Variants in PPP1R12B observed in about 807,000 individuals in gnomAD.
PPP1R12B encodes the protein protein phosphatase 1 regulatory subunit 12B.
Under a neutral mutation model 126.1 loss-of-function variants are expected in PPP1R12B, and 76 were observed. The observed-to-expected ratio is 0.60, with a 90% CI of 0.50 to 0.73. The LOEUF is 0.73. PPP1R12B is among the 30% of genes least tolerant of loss of function. The probability of loss-of-function intolerance (pLI) is 0.00; values close to 1 mark genes in which losing one functional copy is unlikely to be tolerated. For missense variants in PPP1R12B, 1,052 were observed against 1,205.1 expected (o/e 0.87, Z 1.88); for synonymous variants, 356 against 434.7 (o/e 0.82, Z 2.25).
intron 1 of PPP1R12B, among the ~76,000 whole-genome samples, chr1:202,353,627 T>A (rs185775041): frequency 7.7e-5 from 11 of 142,444 alleles, no homozygotes; most frequent in East Asian, 3.1e-4. Context: ...TGTGTGTGTG[T>A]GTGACAGGGT....
chr1:202,501,982 A>C (rs1168325828), intron 18 of PPP1R12B: 2 of 985,662 alleles, frequency 2.0e-6, no homozygotes, highest in Non-Finnish European at 2.4e-6. Context: ...GAGCATCAGC[A>C]TTCTTCTGCT....
chr1:202,364,893 G>A (rs931397617), intron 1 of PPP1R12B, among the ~76,000 whole-genome samples: 4 of 151,874 alleles, frequency 2.6e-5, no homozygotes, highest in Admixed American at 6.6e-5. Flanking sequence ...AAAATTTTTT[G>A]TAGAGATGTG....
intron 13 of PPP1R12B, among the ~76,000 whole-genome samples, chr1:202,464,601 G>T (rs1355612961): frequency 6.6e-6 from 1 of 152,142 alleles, no homozygotes; most frequent in Non-Finnish European, 1.5e-5. Context: ...TGCAAGAGAG[G>T]ATACCTAGTT....
At chr1:202,404,666 A>AT (rs765933392) in intron 1 of PPP1R12B, among the ~76,000 whole-genome samples, 1 of 151,738 alleles carries the variant, frequency 6.6e-6, no homozygotes, top group Non-Finnish European at 1.5e-5. Context: ...CGCCTGGCTA[A>AT]TTTTTTGTAT....
At chr1:202,392,356 A>G (rs545034942) in intron 1 of PPP1R12B, among the ~76,000 whole-genome samples, 5 of 152,280 alleles carry the variant, frequency 3.3e-5, no homozygotes, top group African/African-American at 1.2e-4. Context: ...ACAGATGCTA[A>G]GAGAAGTCAG....
rs1157236917 is a variant in PPP1R12B, at chr1:202,588,309, G to C, written c.*7749G>C. ...TTGTATGGATTAACTTCAGTCCACTGTAAATACACCTGGGATGGGGTGGGG... is the reference window on the plus strand; with the variant it reads ...TTGTATGGATTAACTTCAGTCCACTCTAAATACACCTGGGATGGGGTGGGG... On this transcript the variant is annotated 3_prime_UTR_variant, in exon 24 of 24. Transcript: ENST00000608999. 6.6e-6 allele frequency: 1 copy of C among 152,604 alleles called. No individual in the cohort carries two copies. Among genetic ancestry groups the C allele is most frequent in the African/African-American group, 2.4e-5 (1 of 41,448 alleles). The allele number at this position is 152,604 out of a possible 1,614,324, so 9.5% of individuals were successfully genotyped here. A position where few individuals can be genotyped will look rare whatever the true frequency, so the allele number is the denominator to read the frequency against.
At chr1:202,569,097 A>T in intron 22 of PPP1R12B, 50 bp from the exon 23 acceptor site, 1 of 1,585,478 alleles carries the variant, frequency 6.3e-7, no homozygotes, top group Non-Finnish European at 8.7e-7. Context: ...CAGCATTTTT[A>T]CTCCCTTCTG....
chr1:202,499,470 G>T (rs1327653663), intron 18 of PPP1R12B, among the ~76,000 whole-genome samples: 1 of 152,126 alleles, frequency 6.6e-6, no homozygotes. Context: ...GCCCAGGCTG[G>T]TCTCGAACTC....
At chr1:202,529,646 G>A (rs1683721229) in intron 18 of PPP1R12B, among the ~76,000 whole-genome samples, 2 of 152,092 alleles carry the variant, frequency 1.3e-5, no homozygotes, top group Admixed American at 1.3e-4. Context: ...CCTTCTTTAA[G>A]TTATAGGTTA....
intron 18 of PPP1R12B, among the ~76,000 whole-genome samples, chr1:202,503,105 C>T (rs1558308592): frequency 6.6e-6 from 1 of 152,056 alleles, no homozygotes; most frequent in South Asian, 2.1e-4. Flanking sequence ...AGTTAGGAGG[C>T]CATTATAATA....
intron 1 of PPP1R12B, among the ~76,000 whole-genome samples, chr1:202,353,559 G>A (rs913259594): frequency 2.7e-5 from 4 of 145,684 alleles, no homozygotes; most frequent in African/African-American, 5.1e-5. Context: ...CATTTGTTCC[G>A]CAGAATTTCT....
intron 1 of PPP1R12B, among the ~76,000 whole-genome samples, chr1:202,359,019 C>A (rs1255289458): frequency 6.6e-6 from 1 of 151,984 alleles, no homozygotes; most frequent in East Asian, 1.9e-4. Context: ...ATAGAAGATA[C>A]AAAAGTAGAG....
chr1:202,450,711 A>G (rs1672821291), intron 13 of PPP1R12B, among the ~76,000 whole-genome samples: 1 of 152,154 alleles, frequency 6.6e-6, no homozygotes, highest in African/African-American at 2.4e-5. Flanking sequence ...ACTCTGTTCC[A>G]CTGGTCTATA....
intron 18 of PPP1R12B, among the ~76,000 whole-genome samples, chr1:202,504,171 G>A (rs1402387813): frequency 3.3e-5 from 5 of 152,110 alleles, no homozygotes; most frequent in African/African-American, 1.2e-4. Context: ...GAGGCAGATG[G>A]ACCACTTGAG....
At chr1:202,481,048 C>G (rs1410428756) in intron 13 of PPP1R12B, among the ~76,000 whole-genome samples, 1 of 152,166 alleles carries the variant, frequency 6.6e-6, no homozygotes, top group Non-Finnish European at 1.5e-5. Flanking sequence ...TAGTTAGATT[C>G]TCATAAGGCA....
At chr1:202,496,141 CTTAG>C (rs1679529514) in intron 17 of PPP1R12B, among the ~76,000 whole-genome samples, 2 of 152,160 alleles carry the variant, frequency 1.3e-5, no homozygotes, top group Non-Finnish European at 2.9e-5. Context: ...TACAAGTTCA[CTTAG>C]TTTTACTGTT....
chr1:202,474,241 G>C (rs146173341), intron 13 of PPP1R12B, among the ~76,000 whole-genome samples: 1,577 of 151,552 alleles, frequency 0.01, 8 homozygotes, highest in Middle Eastern at 0.017. Context: ...AGAACTTTGA[G>C]AAGAAAATGG....
intron 18 of PPP1R12B, among the ~76,000 whole-genome samples, chr1:202,518,292 C>A (rs537999059): frequency 2.0e-5 from 3 of 152,256 alleles, no homozygotes; most frequent in Admixed American, 6.5e-5. Context: ...AGATTTAGCT[C>A]GTTTAGCTAT....
intron 18 of PPP1R12B, among the ~76,000 whole-genome samples, chr1:202,497,563 T>C (rs192593994): frequency 6.6e-6 from 1 of 152,330 alleles, no homozygotes; most frequent in East Asian, 1.9e-4. Context: ...GTACTGAAAA[T>C]TAACATCTAA....
Sources: allele counts gnomAD v4.1 joint callset (sites outside exome capture counted in the v4.1 genomes callset), GRCh38; gene constraint gnomAD v4.1.1; transcripts MANE v1.5; gene names NCBI Gene and HGNC (gene_info 2026-07-23, HGNC 2026-07-21).